The following CNTNAP2 variants were observed in gnomAD, a reference collection of about 807,000 sequenced individuals.
CNTNAP2 encodes contactin associated protein 2.
A neutral mutation model predicts 155.2 loss-of-function variants in CNTNAP2; 98 were observed. The observed-to-expected ratio is 0.63, with a 90% confidence interval of 0.54 to 0.75. The LOEUF (loss-of-function observed/expected upper bound fraction) is 0.75, where lower values mean the gene tolerates loss of function less well. CNTNAP2 is among the 30% of genes least tolerant of loss of function. The pLI is 0.00. For missense variants in CNTNAP2, 1,727 were observed against 1,688.1 expected (o/e 1.02, Z -0.40); for synonymous variants, 651 against 631.2 (o/e 1.03, Z -0.47).
At chr7:147,390,883 G>C (rs147625782) in intron 9 of CNTNAP2, among the ~76,000 whole-genome samples, 1 of 152,078 alleles carries the variant, frequency 6.6e-6, no homozygotes, top group South Asian at 2.1e-4. Context: ...TCACCCTACA[G>C]CCCACAGAGA....
intron 1 of CNTNAP2, among the ~76,000 whole-genome samples, chr7:146,756,253 G>T (rs1801993635): frequency 1.3e-5 from 2 of 151,768 alleles, no homozygotes; most frequent in African/African-American, 4.8e-5. Flanking sequence ...AAAATCAAGT[G>T]GTTAACTCTA....
chr7:147,189,869 C>A (rs1802644692), intron 8 of CNTNAP2, among the ~76,000 whole-genome samples: 1 of 152,006 alleles, frequency 6.6e-6, no homozygotes, highest in African/African-American at 2.4e-5. Flanking sequence ...CTCAGCCTCC[C>A]GAGTAGCTGG....
chr7:147,086,292 GAAAC>G (rs1230860052), intron 4 of CNTNAP2, among the ~76,000 whole-genome samples: 2 of 151,916 alleles, frequency 1.3e-5, no homozygotes, highest in Admixed American at 6.6e-5. Flanking sequence ...ACAAAAATAT[GAAAC>G]AAAGAAGAAA....
intron 3 of CNTNAP2, among the ~76,000 whole-genome samples, chr7:147,017,630 C>T (rs1798747663): frequency 6.6e-6 from 1 of 152,058 alleles, no homozygotes; most frequent in Middle Eastern, 3.4e-3. Context: ...GGACAGTAAA[C>T]TGATTTATTT....
intron 13 of CNTNAP2, among the ~76,000 whole-genome samples, chr7:147,665,555 AT>A (rs972079562): frequency 3.0e-4 from 45 of 152,106 alleles, no homozygotes; most frequent in African/African-American, 1.0e-3. Flanking sequence ...TGTACAGATT[AT>A]TTCATCACCG....
intron 3 of CNTNAP2, among the ~76,000 whole-genome samples, chr7:146,877,564 A>G (rs1456393670): frequency 6.6e-6 from 1 of 151,386 alleles, no homozygotes; most frequent in African/African-American, 2.4e-5. Flanking sequence ...TGTGTATACT[A>G]TATATGTGTG....
chr7:146,263,716 A>G (rs1444248372), intron 1 of CNTNAP2, among the ~76,000 whole-genome samples: 1 of 152,174 alleles, frequency 6.6e-6, no homozygotes, highest in Admixed American at 6.5e-5. Flanking sequence ...ACCATATGGG[A>G]TTGGAAATCA....
chr7:147,015,320 T>A (rs556567933), intron 3 of CNTNAP2, among the ~76,000 whole-genome samples: 11 of 152,242 alleles, frequency 7.2e-5, no homozygotes, highest in Admixed American at 2.0e-4. Context: ...TAATATAAAG[T>A]TCTTAGCACC....
chr7:146,332,939 C>CTTT (rs1256959883), intron 1 of CNTNAP2, among the ~76,000 whole-genome samples: 2 of 118,686 alleles, frequency 1.7e-5, no homozygotes, highest in African/African-American at 3.1e-5. Flanking sequence ...TTTTCTTCTT[C>CTTT]TATTTTTTTT....
rs770196624 is a variant in CNTNAP2, at chr7:147,315,435, C to T, written c.1498+15145C>T. On this transcript the variant is annotated intron_variant, in intron 9 of 23. Transcript: ENST00000361727. Reference sequence around the variant, plus strand: ...AAATCGTAGGCAACCACGGCAACCACGAATCTACTACTTCCTGTCTCTATG... The same window carrying T: ...AAATCGTAGGCAACCACGGCAACCATGAATCTACTACTTCCTGTCTCTATG... Among the ~76,000 whole-genome samples the T allele has an allele frequency of 6.2e-4, 92 of 149,098 alleles. 5 individuals carry two copies. The highest frequency in any genetic ancestry group is 1.1e-3 in the Non-Finnish European group (70 of 66,656).
intron 13 of CNTNAP2, among the ~76,000 whole-genome samples, chr7:147,679,070 T>C (rs531299860): frequency 3.3e-5 from 5 of 151,926 alleles, no homozygotes; most frequent in Non-Finnish European, 7.4e-5. Flanking sequence ...GTATGTTTAT[T>C]GTTAATGAAA....
intron 11 of CNTNAP2, among the ~76,000 whole-genome samples, chr7:147,511,051 G>T (rs1799010190): frequency 1.3e-5 from 2 of 151,040 alleles, no homozygotes. Flanking sequence ...CAGACTCCTG[G>T]GCACCATCCC....
At chr7:147,336,890 CCT>C (rs919517527) in intron 9 of CNTNAP2, among the ~76,000 whole-genome samples, 2 of 151,856 alleles carry the variant, frequency 1.3e-5, no homozygotes, top group Non-Finnish European at 2.9e-5. Context: ...ATGGAAATTC[CCT>C]CTCAATTCCA....
intron 13 of CNTNAP2, among the ~76,000 whole-genome samples, chr7:147,835,569 T>A (rs941557802): frequency 9.9e-5 from 15 of 152,088 alleles, no homozygotes; most frequent in African/African-American, 3.4e-4. Flanking sequence ...AATGCTCAAG[T>A]GTAATCTAGT....
intron 1 of CNTNAP2, among the ~76,000 whole-genome samples, chr7:146,541,086 A>C (rs1797946494): frequency 6.6e-6 from 1 of 151,988 alleles, no homozygotes; most frequent in Non-Finnish European, 1.5e-5. Flanking sequence ...GAACATACTG[A>C]AACAGAAATA....
intron 12 of CNTNAP2, among the ~76,000 whole-genome samples, chr7:147,601,190 C>T (rs1017992176): frequency 2.6e-5 from 4 of 152,120 alleles, no homozygotes; most frequent in African/African-American, 9.7e-5. Context: ...AAATTCCAGA[C>T]ATCAGTATTT....
chr7:148,221,931 G>A (rs2373346), intron 19 of CNTNAP2, among the ~76,000 whole-genome samples: 108,605 of 152,164 alleles, frequency 0.71, 39,169 homozygotes, highest in Admixed American at 0.79. Context: ...TAGTGTTTAC[G>A]TCATGGTGTC....
chr7:147,565,318 G>A (rs1290754434), intron 12 of CNTNAP2, among the ~76,000 whole-genome samples: 4 of 152,158 alleles, frequency 2.6e-5, no homozygotes, highest in African/African-American at 9.7e-5. Context: ...AAAGGTGGGT[G>A]GGGGCAGGCC....
At chr7:147,773,344 T>C (rs1006368229) in intron 13 of CNTNAP2, among the ~76,000 whole-genome samples, 2 of 152,050 alleles carry the variant, frequency 1.3e-5, no homozygotes, top group African/African-American at 4.8e-5. Flanking sequence ...TAACACAAAC[T>C]AGTTAGTTAT....
Sources: allele counts gnomAD v4.1 joint callset (sites outside exome capture counted in the v4.1 genomes callset), GRCh38; gene constraint gnomAD v4.1.1; transcripts MANE v1.5; gene names NCBI Gene and HGNC (gene_info 2026-07-23, HGNC 2026-07-21).